Variants in WNK2 observed in about 807,000 individuals in gnomAD.
WNK2 encodes the protein serine/threonine-protein kinase WNK2.
WNK2 carries 67 observed loss-of-function variants against 192.1 expected under a neutral mutation model. The ratio of observed to expected loss-of-function variants is 0.35; its 90% confidence interval spans 0.29 to 0.43. The LOEUF is 0.43. Ranked by LOEUF, WNK2 falls within the 20% of genes least tolerant of loss-of-function variation. The pLI, the probability that WNK2 is intolerant of heterozygous loss-of-function variation, is 1.00. For missense variants in WNK2, 2,698 were observed against 3,089.7 expected (o/e 0.87, Z 3.01); for synonymous variants, 1,439 against 1,393.9 (o/e 1.03, Z -0.72).
chr9:93,293,239 G>C, intron 23 of WNK2, 66 bp downstream of exon 23: 1 of 1,379,066 alleles, frequency 7.3e-7, no homozygotes, highest in Non-Finnish European at 9.4e-7. Context: ...CCAGTTGTGA[G>C]GGAACCCTGG....
chr9:93,195,424 C>T lies in WNK2; in HGVS notation c.681+9814C>T, dbSNP rs192532677. The stretch of plus-strand genomic sequence containing the variant: ...AAGATGTTTGCAGAAATGGGCCAGG[C>T]GCGGTGGCTCACACCTATAATCCCA... On this transcript the variant is annotated intron_variant, in intron 2 of 29. Coordinates refer to ENST00000427277, the MANE Select transcript of WNK2 (RefSeq NM_006648.4). Among the ~76,000 whole-genome samples, 38 of 152,116 alleles carry T rather than the reference C, an allele frequency of 2.5e-4. No individual in the cohort carries two copies. The East Asian group carries it at 3.5e-3, about 14-fold the overall frequency.
chr9:93,193,586 A>C (rs772377096), intron 2 of WNK2, among the ~76,000 whole-genome samples: 27 of 152,348 alleles, frequency 1.8e-4, no homozygotes, highest in Non-Finnish European at 3.2e-4. Context: ...GAACGGCAGC[A>C]GCTGGGATTT....
chr9:93,272,105 A>G (rs369276427), intron 19 of WNK2, among the ~76,000 whole-genome samples: 224 of 152,316 alleles, frequency 1.5e-3, no homozygotes, highest in Middle Eastern at 6.8e-3. Context: ...CTGCACACCT[A>G]CTCTAAAATT....
At chr9:93,282,331 T>C (rs899493016) in intron 19 of WNK2, among the ~76,000 whole-genome samples, 7 of 152,006 alleles carry the variant, frequency 4.6e-5, no homozygotes, top group South Asian at 2.1e-4. Flanking sequence ...TTTTAAAATA[T>C]GGCAAAGAAG....
At chr9:93,278,559 C>T (rs953260769) in intron 19 of WNK2, among the ~76,000 whole-genome samples, 1 of 152,208 alleles carries the variant, frequency 6.6e-6, no homozygotes, top group African/African-American at 2.4e-5. Context: ...CCTGTCAGAT[C>T]TTAAGAGCAG....
At position 93,261,970 on chromosome 9, in the gene WNK2, A is replaced by G. The variant is rs1370801699; in HGVS notation, c.3223A>G (p.Thr1075Ala). 1 of 1,611,884 alleles carries G rather than the reference A, an allele frequency of 6.2e-7. No individual in the cohort carries two copies. The highest frequency in any genetic ancestry group is 8.5e-7 in the Non-Finnish European group (1 of 1,179,674). ...LLPQFPSSLA[T>A]VSASVQSVPT... The stretch of plus-strand genomic sequence containing the variant: ...GCCTCAGTTCCCCAGCTCCCTGGCC[A>G]CGGTGTCTGCCTCTGTGCAGAGTGT... The change falls in exon 13 of 30, where the codon ACG becomes GCG. Residue 1075 changes from threonine to alanine, a missense_variant. Thr to Ala is a moderately conservative substitution (Grantham distance 58). Coordinates refer to ENST00000427277, the MANE Select transcript of WNK2 (RefSeq NM_006648.4).
Position 93,185,303 on chromosome 9 carries a change from G to T in WNK2, c.374G>T (p.Gly125Val). 1 of 1,503,594 alleles carries T rather than the reference G, an allele frequency of 6.7e-7. No homozygotes were observed. The highest frequency in any genetic ancestry group is 2.5e-5 in the East Asian group (1 of 40,088). The allele number at this position is 1,503,594 out of a possible 1,614,324, so 93.1% of individuals were successfully genotyped here. A position where few individuals can be genotyped will look rare whatever the true frequency, so the allele number is the denominator to read the frequency against. The change falls in exon 2 of 30, where the codon GGC becomes GTC. Residue 125 changes from glycine to valine, a missense_variant. Transcript: ENST00000427277. ...GPEPVGTQEP[G>V]PDPIAAAVET... ...GAGCCCGTGGGCACGCAGGAGCCCG[G>T]CCCGGACCCCATCGCAGCCGCTGTC...
intron 28 of WNK2, chr9:93,317,089 C>T: frequency 4.1e-6 from 1 of 245,682 alleles, no homozygotes; most frequent in Non-Finnish European, 8.0e-6. Context: ...CCTCCCTGCA[C>T]ACTTGCTTTG....
chr9:93,248,375 C>T (rs977196265), intron 8 of WNK2, among the ~76,000 whole-genome samples: 9 of 152,178 alleles, frequency 5.9e-5, no homozygotes, highest in African/African-American at 2.2e-4. Context: ...ACAAATGGGC[C>T]GTGAGCCAGC....
At chr9:93,304,376 G>A (rs1026360567) in intron 26 of WNK2, among the ~76,000 whole-genome samples, 5 of 152,252 alleles carry the variant, frequency 3.3e-5, no homozygotes, top group Non-Finnish European at 5.9e-5. Context: ...CCTGTGTGCT[G>A]CCACTTTTAC....
intron 2 of WNK2, among the ~76,000 whole-genome samples, chr9:93,207,442 G>A (rs1157041209): frequency 1.2e-4 from 19 of 152,182 alleles, no homozygotes; most frequent in Admixed American, 1.2e-3. Flanking sequence ...TGATCTCCCG[G>A]TCAGCATGCA....
chr9:93,186,358 A>G (rs554197527), intron 2 of WNK2, among the ~76,000 whole-genome samples: 74 of 152,312 alleles, frequency 4.9e-4, no homozygotes, highest in African/African-American at 1.6e-3. Flanking sequence ...TAATCCTGCC[A>G]TCACCGTGGT....
rs532492454 is a variant in WNK2, at chr9:93,206,037, G to C, written c.681+20427G>C. The stretch of plus-strand genomic sequence containing the variant: ...AGCCTAGACCCCGTGCGGAGCCTCG[G>C]GGCACAATTTTATGGGATCCTCCTG... On this transcript the variant is annotated intron_variant, in intron 2 of 29. Transcript: ENST00000427277. Among the ~76,000 whole-genome samples, 3 of 152,112 alleles carry C rather than the reference G, an allele frequency of 2.0e-5. No individual in the cohort carries two copies. The East Asian group carries it at 5.8e-4, about 29-fold the overall frequency.
chr9:93,217,896 A>G (rs943890897), intron 2 of WNK2, among the ~76,000 whole-genome samples: 1 of 152,180 alleles, frequency 6.6e-6, no homozygotes, highest in Non-Finnish European at 1.5e-5. Context: ...AGTGAGGCCT[A>G]GGTGACTTCA....
chr9:93,300,697 C>T (rs551244128), intron 26 of WNK2, among the ~76,000 whole-genome samples: 2 of 152,270 alleles, frequency 1.3e-5, no homozygotes, highest in South Asian at 4.1e-4. Flanking sequence ...GTTTCTGTAC[C>T]AGGGCCAAAT....
In WNK2 at chr9:93,268,766, A is replaced by G. The variant is rs571834405; in HGVS notation, c.4033+20A>G. On this transcript the variant is annotated intron_variant, in intron 19 of 29. Transcript: ENST00000427277. Reference sequence around the variant, plus strand: ...GCCAAGGTATGAGCAGCAGGCGCCCACACAAGCCCCTCCCTGTTTCATGTA... The same window carrying G: ...GCCAAGGTATGAGCAGCAGGCGCCCGCACAAGCCCCTCCCTGTTTCATGTA... The G allele has an allele frequency of 2.5e-5, 40 of 1,604,356 alleles. No individual in the cohort carries two copies. The highest frequency in any genetic ancestry group is 2.2e-4 in the Admixed American group (13 of 59,332).
intron 2 of WNK2, among the ~76,000 whole-genome samples, chr9:93,211,155 C>G (rs111689955): frequency 5.3e-5 from 1 of 18,972 alleles, no homozygotes; most frequent in Non-Finnish European, 1.3e-4. Context: ...CTTATTCACT[C>G]ACAGATTCCC....
intron 2 of WNK2, among the ~76,000 whole-genome samples, chr9:93,204,049 G>T (rs1352660307): frequency 1.3e-5 from 2 of 152,152 alleles, no homozygotes; most frequent in Non-Finnish European, 2.9e-5. Flanking sequence ...GTGTGTGTGT[G>T]TGTGGTGGGG....
At chr9:93,244,888 T>C (rs926260364) in intron 7 of WNK2, among the ~76,000 whole-genome samples, 6 of 152,188 alleles carry the variant, frequency 3.9e-5, no homozygotes, top group African/African-American at 1.4e-4. Context: ...TGGTGCCTGG[T>C]TTCTCCTCCT....
Sources: gnomAD v4.1 joint callset for allele counts (sites outside exome capture counted in the v4.1 genomes callset) on GRCh38, gnomAD v4.1.1 for gene constraint, MANE v1.5 for transcripts, NCBI Gene and HGNC (gene_info 2026-07-23, HGNC 2026-07-21) for gene names.